The following LIMD1 variants were observed in gnomAD, a reference collection of about 807,000 sequenced individuals.
The protein encoded by LIMD1 is LIM domain containing 1, also known as LIM domain-containing protein 1.
LIMD1 carries 23 observed loss-of-function variants against 58.4 expected under a neutral mutation model. That is an observed-to-expected ratio of 0.39 (90% CI 0.28 to 0.56). LIMD1 has a LOEUF of 0.56. Among genes scored for constraint, LIMD1 ranks in the 20% least tolerant of loss-of-function variants. The pLI is 0.57. For missense variants in LIMD1, 838 were observed against 855.5 expected (o/e 0.98, Z 0.25); for synonymous variants, 334 against 345.5 (o/e 0.97, Z 0.37).
At chr3:45,652,690 T>G (rs1235298218) in intron 2 of LIMD1, among the ~76,000 whole-genome samples, 1 of 152,218 alleles carries the variant, frequency 6.6e-6, no homozygotes, top group African/African-American at 2.4e-5. Context: ...AGGCACTGTT[T>G]CCAGCTTTTG....
At chr3:45,604,243 C>T (rs1297578551) in intron 1 of LIMD1, among the ~76,000 whole-genome samples, 1 of 152,130 alleles carries the variant, frequency 6.6e-6, no homozygotes, top group East Asian at 1.9e-4. Flanking sequence ...CGCCCTGTAA[C>T]AGCGGTGACT....
At position 45,595,638 on chromosome 3, in the gene LIMD1, C is replaced by T. The variant is rs1194569098; in HGVS notation, c.759C>T (p.Gly253=). The change falls in exon 1 of 8, where the codon GGC becomes GGT. Residue 253 remains glycine, a synonymous_variant. Coordinates refer to ENST00000273317, the MANE Select transcript of LIMD1 (RefSeq NM_014240.3). ...GTGGTCAGAATAGTGGCATTGGTGG[C>T]CGCAGCAGCGAGAAGCCAACAGGCC... ...SLGGQNSGIG[G]RSSEKPTGLW... The T allele has an allele frequency of 3.1e-6, 5 of 1,614,014 alleles. No individual in the cohort carries two copies. The highest frequency in any genetic ancestry group is 4.5e-5 in the East Asian group (2 of 44,888).
In LIMD1 at chr3:45,616,363, T is replaced by G. The variant is rs76155621; in HGVS notation, c.1409-19787T>G. 5.9e-3 allele frequency among the ~76,000 whole-genome samples: 895 copies of G among 151,858 alleles called. 28 individuals carry two copies. In the East Asian group the frequency reaches 0.072, roughly 12 times the overall value. On this transcript the variant is annotated intron_variant, in intron 1 of 7. Transcript: ENST00000273317. ...CAATGAGTTGAGATTGTTAGAAGGT[T>G]TTTCTTCTCCAGCCAGCAGCCTTCC...
chr3:45,629,214 C>A (rs376249124), intron 1 of LIMD1, among the ~76,000 whole-genome samples: 1 of 152,030 alleles, frequency 6.6e-6, no homozygotes, highest in East Asian at 1.9e-4. Flanking sequence ...GAGTTCAAGA[C>A]CAGCCTGACC....
chr3:45,672,777 G>A lies in LIMD1; in HGVS notation c.1729G>A (p.Val577Met), dbSNP rs751216668. 1.3e-5 allele frequency: 21 copies of A among 1,613,802 alleles called. No homozygotes were observed. In the South Asian group the frequency reaches 1.3e-4, roughly 10 times the overall value. Residue 577 changes from valine to methionine, a missense_variant, in exon 5 of 8, where the codon GTG (valine) becomes ATG (methionine). Transcript: ENST00000273317. The part of the protein sequence containing the change: ...NECLDGVPFT[V>M]DSENKIYCVR... The stretch of plus-strand genomic sequence containing the variant: ...GTGTTTGGATGGGGTGCCCTTCACC[G>A]TGGACTCAGAGAACAAGATCTACTG...
intron 1 of LIMD1, among the ~76,000 whole-genome samples, chr3:45,608,460 T>G (rs1452272926): frequency 6.6e-6 from 1 of 151,946 alleles, no homozygotes; most frequent in Non-Finnish European, 1.5e-5. Flanking sequence ...ACTGACGGAG[T>G]GAAGAAGCCT....
intron 2 of LIMD1, among the ~76,000 whole-genome samples, chr3:45,659,041 A>G (rs1697389975): frequency 6.6e-6 from 1 of 152,178 alleles, no homozygotes; most frequent in Non-Finnish European, 1.5e-5. Context: ...TTTTCATATT[A>G]TACATATTTC....
chr3:45,649,759 TTA>T (rs570443903), intron 2 of LIMD1, among the ~76,000 whole-genome samples: 3 of 146,132 alleles, frequency 2.1e-5, no homozygotes, highest in African/African-American at 5.0e-5. Flanking sequence ...ATTATATATT[TTA>T]TATATATAAT....
intron 2 of LIMD1, among the ~76,000 whole-genome samples, chr3:45,663,125 A>G (rs1223783418): frequency 1.3e-5 from 2 of 152,274 alleles, no homozygotes; most frequent in Non-Finnish European, 1.5e-5. Flanking sequence ...TGATATGCAT[A>G]GATCTAGCCC....
Position 45,594,787 on chromosome 3 carries a change from A to ACACACACACACACACACACACACACAC in LIMD1, c.-92_-66dup. 4.6e-5 allele frequency: 3 copies of ACACACACACACACACACACACACACAC among 65,716 alleles called. No individual in the cohort carries two copies. The highest frequency in any genetic ancestry group is 7.5e-5 in the Non-Finnish European group (3 of 40,054). 4.1% of individuals were successfully genotyped at this position (65,716 alleles called of 1,614,324 possible). ...TCTCCCCGCTGCCCTCAACACACAC[A>ACACACACACACACACACACACACACAC]CACACACACACACACACACACACAC... is the stretch of plus-strand genomic sequence containing the variant. On this transcript the variant is annotated 5_prime_UTR_variant, in exon 1 of 8. Transcript: ENST00000273317.
intron 2 of LIMD1, among the ~76,000 whole-genome samples, chr3:45,639,748 C>T (rs552061607): frequency 7.9e-5 from 12 of 152,242 alleles, no homozygotes; most frequent in Admixed American, 7.2e-4. Context: ...CCGCAACCTC[C>T]GCCTCCTGGG....
chr3:45,660,498 C>T (rs946498534), intron 2 of LIMD1, among the ~76,000 whole-genome samples: 1 of 150,160 alleles, frequency 6.7e-6, no homozygotes, highest in African/African-American at 2.4e-5. Context: ...TTCCTGCAGC[C>T]TCCGCCTCCC....
intron 7 of LIMD1, 72 bp downstream of exon 7, chr3:45,674,483 G>A: frequency 4.2e-6 from 5 of 1,192,882 alleles, no homozygotes; most frequent in Non-Finnish European, 6.2e-6. Context: ...GCGTTGACTG[G>A]GGCAAGAGGC....
intron 1 of LIMD1, among the ~76,000 whole-genome samples, chr3:45,618,461 G>A (rs984964726): frequency 2.0e-5 from 3 of 152,158 alleles, no homozygotes; most frequent in African/African-American, 7.2e-5. Flanking sequence ...GCTCAGTCCG[G>A]AGAGTCTGGG....
At chr3:45,669,788 T>C (rs1697566116) in intron 4 of LIMD1, among the ~76,000 whole-genome samples, 1 of 152,264 alleles carries the variant, frequency 6.6e-6, no homozygotes, top group South Asian at 2.1e-4. Flanking sequence ...ATTGTATGGA[T>C]ATAGCACAAT....
At chr3:45,633,281 G>A (rs936773609) in intron 1 of LIMD1, among the ~76,000 whole-genome samples, 2 of 152,166 alleles carry the variant, frequency 1.3e-5, no homozygotes, top group African/African-American at 4.8e-5. Flanking sequence ...GAGAAGGCAG[G>A]CAGGAACTTT....
chr3:45,633,885 C>A, intron 1 of LIMD1, among the ~76,000 whole-genome samples: 1 of 152,146 alleles, frequency 6.6e-6, no homozygotes, highest in Non-Finnish European at 1.5e-5. Context: ...CTCTGAAACA[C>A]AGGGCTTTCT....
At chr3:45,598,356 G>T (rs1701377804) in intron 1 of LIMD1, among the ~76,000 whole-genome samples, 4 of 152,226 alleles carry the variant, frequency 2.6e-5, no homozygotes, top group Admixed American at 2.6e-4. Context: ...TGGAAATACT[G>T]TGGGTCTTTT....
chr3:45,675,305 A>G (rs1697652895), intron 7 of LIMD1, among the ~76,000 whole-genome samples: 2 of 152,202 alleles, frequency 1.3e-5, no homozygotes, highest in Non-Finnish European at 2.9e-5. Flanking sequence ...CAAGGCCGGC[A>G]GATTACTTGA....
Sources: allele counts gnomAD v4.1 joint callset (sites outside exome capture counted in the v4.1 genomes callset), GRCh38; gene constraint gnomAD v4.1.1; transcripts MANE v1.5; gene names NCBI Gene and HGNC (gene_info 2026-07-23, HGNC 2026-07-21).